Variants in CHD9 observed in about 807,000 individuals in gnomAD.
The protein encoded by CHD9 is ATP-dependent chromatin remodeler CHD9.
A neutral mutation model predicts 316.1 loss-of-function variants in CHD9; 77 were observed. The observed-to-expected ratio is 0.24, with a 90% CI of 0.20 to 0.29. The LOEUF (loss-of-function observed/expected upper bound fraction) is 0.29, where lower values mean the gene tolerates loss of function less well. Among genes scored for constraint, CHD9 ranks in the 10% least tolerant of loss-of-function variants. The probability of loss-of-function intolerance (pLI) is 1.00; values close to 1 mark genes in which losing one functional copy is unlikely to be tolerated. For synonymous variants in CHD9, 1,129 were observed against 1,158.3 expected (o/e 0.97, Z 0.51); for missense variants, 2,763 against 3,438.1 (o/e 0.80, Z 4.91).
Position 53,242,724 on chromosome 16 carries a change from A to C in CHD9, c.2878-116A>C. 7.3e-6 allele frequency: 6 copies of C among 824,326 alleles called. No homozygotes were observed. In the South Asian group the frequency reaches 9.4e-5, roughly 13 times the overall value. 51.1% of individuals were successfully genotyped at this position (824,326 alleles called of 1,614,324 possible). A position where few individuals can be genotyped will look rare whatever the true frequency, so the allele number is the denominator to read the frequency against. ...TTTCATTGTAAGGGAGTGTCTGCAT[A>C]TGTAAAAATTTCATTAGAAATGTTT... is the stretch of plus-strand genomic sequence containing the variant. On this transcript the variant is annotated intron_variant, in intron 12 of 38. Transcript: ENST00000447540.
intron 24 of CHD9, among the ~76,000 whole-genome samples, chr16:53,276,587 GA>G (rs1455977871): frequency 6.6e-6 from 1 of 152,100 alleles, no homozygotes; most frequent in Non-Finnish European, 1.5e-5. Context: ...AGATACAGTA[GA>G]AATGTCCCTC....
intron 1 of CHD9, among the ~76,000 whole-genome samples, chr16:53,143,655 A>G (rs142695628): frequency 9.2e-5 from 14 of 152,018 alleles, no homozygotes; most frequent in East Asian, 3.9e-4. Context: ...CCAAAGTGCT[A>G]GGATTACAGG....
chr16:53,155,469 A>G (rs893739027), intron 1 of CHD9, among the ~76,000 whole-genome samples: 3 of 152,198 alleles, frequency 2.0e-5, no homozygotes, highest in Non-Finnish European at 4.4e-5. Flanking sequence ...TAAAAGATAC[A>G]ACAGAAAATT....
chr16:53,071,720 C>G (rs1396524779), intron 1 of CHD9, among the ~76,000 whole-genome samples: 1 of 152,160 alleles, frequency 6.6e-6, no homozygotes, highest in Non-Finnish European at 1.5e-5. Context: ...AGCTCGCCCA[C>G]CCCTCGGTCC....
At chr16:53,121,044 C>T (rs2152654029) in intron 1 of CHD9, among the ~76,000 whole-genome samples, 1 of 152,284 alleles carries the variant, frequency 6.6e-6, no homozygotes, top group Non-Finnish European at 1.5e-5. Flanking sequence ...ACCCTATAAA[C>T]ATACCAATTA....
intron 3 of CHD9, among the ~76,000 whole-genome samples, chr16:53,212,772 A>G (rs1184742624): frequency 6.6e-6 from 1 of 152,160 alleles, no homozygotes; most frequent in Non-Finnish European, 1.5e-5. Flanking sequence ...CATCACTTAC[A>G]AGCAGTGTAA....
chr16:53,071,604 C>A (rs1172030586), intron 1 of CHD9, among the ~76,000 whole-genome samples: 2 of 152,150 alleles, frequency 1.3e-5, no homozygotes, highest in African/African-American at 4.8e-5. Context: ...ATTCTGAGAA[C>A]ATTCAGGTGC....
intron 1 of CHD9, among the ~76,000 whole-genome samples, chr16:53,085,736 A>G (rs1055631209): frequency 6.6e-6 from 1 of 152,302 alleles, no homozygotes; most frequent in Middle Eastern, 3.4e-3. Flanking sequence ...TCAGTCAGAT[A>G]AAAGGAGCAG....
Position 53,235,171 on chromosome 16 carries a change from G to C in CHD9, c.2512-14G>C, listed in dbSNP as rs761411496. On this transcript the variant is annotated splice_polypyrimidine_tract_variant and intron_variant, in intron 10 of 38. Transcript: ENST00000447540. ...AAGATTTAAACACCATTCATTCTTT[G>C]TTTTTCCACAAAGGACCGTCCTCCT... 1 of 1,549,180 alleles carries C rather than the reference G, an allele frequency of 6.5e-7. No individual in the cohort carries two copies. Among genetic ancestry groups the C allele is most frequent in the African/African-American group, 1.4e-5 (1 of 73,032 alleles).
chr16:53,092,262 C>A (rs1379894827), intron 1 of CHD9, among the ~76,000 whole-genome samples: 3 of 147,980 alleles, frequency 2.0e-5, no homozygotes, highest in Non-Finnish European at 4.5e-5. Context: ...TTTGGAGAAT[C>A]CAACCCATGA....
At chr16:53,107,231 G>A (rs377607615) in intron 1 of CHD9, among the ~76,000 whole-genome samples, 3 of 151,642 alleles carry the variant, frequency 2.0e-5, no homozygotes, top group Non-Finnish European at 4.4e-5. Flanking sequence ...AGGCCAAGGC[G>A]GGTGGATCGT....
At chr16:53,272,419 C>T (rs1282187025) in intron 22 of CHD9, among the ~76,000 whole-genome samples, 1 of 151,446 alleles carries the variant, frequency 6.6e-6, no homozygotes, top group East Asian at 1.9e-4. Flanking sequence ...TTCAATGTAC[C>T]ATTGTAGTGG....
intron 31 of CHD9, among the ~76,000 whole-genome samples, chr16:53,305,909 A>C (rs1397266839): frequency 6.6e-6 from 1 of 152,206 alleles, no homozygotes; most frequent in African/African-American, 2.4e-5. Flanking sequence ...GATGAAGTCT[A>C]CCAATCAGGA....
chr16:53,201,025 T>C (rs2045410057), intron 2 of CHD9, among the ~76,000 whole-genome samples: 1 of 152,144 alleles, frequency 6.6e-6, no homozygotes, highest in South Asian at 2.1e-4. Flanking sequence ...TTATCTACAT[T>C]TTTACAGTTG....
intron 22 of CHD9, among the ~76,000 whole-genome samples, chr16:53,269,697 C>A (rs1490096245): frequency 1.3e-5 from 2 of 152,144 alleles, no homozygotes; most frequent in African/African-American, 4.8e-5. Flanking sequence ...TTAACAAATT[C>A]TACAGAACAA....
chr16:53,277,997 T>C (rs2053022038), intron 24 of CHD9, among the ~76,000 whole-genome samples: 1 of 149,682 alleles, frequency 6.7e-6, no homozygotes, highest in Non-Finnish European at 1.5e-5. Flanking sequence ...AGAACTCAAC[T>C]CCTTCTACAA....
chr16:53,267,990 T>C lies in CHD9; in HGVS notation c.4581T>C (p.Asp1527=). 2 of 1,613,610 alleles carry C rather than the reference T, an allele frequency of 1.2e-6. No homozygotes were observed. Among genetic ancestry groups the C allele is most frequent in the Non-Finnish European group, 1.7e-6 (2 of 1,179,704 alleles). Residue 1527 remains aspartate, a synonymous_variant, in exon 22 of 39, where the codon GAT becomes GAC. Transcript: ENST00000447540. The part of the protein sequence containing the change: ...GRFKRQLNEH[D]VEIICRALLA... ...TCAAAAGGCAGCTAAATGAACACGATGTAGAGATAATTTGCCGAGCTCTCT... is the reference window on the plus strand; with the variant it reads ...TCAAAAGGCAGCTAAATGAACACGACGTAGAGATAATTTGCCGAGCTCTCT...
chr16:53,252,252 C>A (rs2050190428), intron 17 of CHD9, among the ~76,000 whole-genome samples: 1 of 152,090 alleles, frequency 6.6e-6, no homozygotes, highest in Non-Finnish European at 1.5e-5. Flanking sequence ...AACCCACGTA[C>A]TTACAGCCAA....
chr16:53,265,603 G>A (rs1410913308), intron 20 of CHD9, among the ~76,000 whole-genome samples: 2 of 152,120 alleles, frequency 1.3e-5, no homozygotes, highest in African/African-American at 4.8e-5. Flanking sequence ...TAGCATTTGG[G>A]AAGAGCGTTA....
Sources: gnomAD v4.1 joint callset for allele counts (sites outside exome capture counted in the v4.1 genomes callset) on GRCh38, gnomAD v4.1.1 for gene constraint, MANE v1.5 for transcripts, NCBI Gene and HGNC (gene_info 2026-07-23, HGNC 2026-07-21) for gene names.